The following TENM2 variants were observed in gnomAD, a reference collection of about 807,000 sequenced individuals.
The protein encoded by TENM2 is teneurin transmembrane protein 2.
In TENM2, 52 loss-of-function variants were observed where a neutral mutation model predicts 245.2. The observed-to-expected ratio is 0.21, with a 90% confidence interval of 0.17 to 0.27. The LOEUF is 0.27. TENM2 is among the 10% of genes least tolerant of loss of function. TENM2 has a pLI of 1.00. For missense variants in TENM2, 3,046 were observed against 3,666.8 expected, an observed-to-expected ratio of 0.83 and a Z score of 4.37; for synonymous variants, 1,363 against 1,438.9, an observed-to-expected ratio of 0.95 and a Z score of 1.19.
At chr5:167,983,183 GAAA>G (rs61167885) in intron 4 of TENM2, among the ~76,000 whole-genome samples, 2 of 142,384 alleles carry the variant, frequency 1.4e-5, no homozygotes, top group Admixed American at 7.0e-5. Flanking sequence ...AAAAGAAGAA[GAAA>G]AAAAAAAAAG....
chr5:167,516,973 T>A (rs1231775715), intron 2 of TENM2, among the ~76,000 whole-genome samples: 2 of 152,208 alleles, frequency 1.3e-5, no homozygotes, highest in Non-Finnish European at 2.9e-5. Flanking sequence ...AAGAGCCAAG[T>A]TTGAATGAAT....
chr5:168,068,265 G>A (rs964745729), intron 7 of TENM2, among the ~76,000 whole-genome samples: 2 of 152,154 alleles, frequency 1.3e-5, no homozygotes, highest in Non-Finnish European at 2.9e-5. Flanking sequence ...TGAGTTCATG[G>A]AACTGAGAGA....
At position 167,620,549 on chromosome 5, in the gene TENM2, C is replaced by CTTT. The variant is rs11455974; in HGVS notation, c.502+245096_502+245098dup. On this transcript the variant is annotated intron_variant, in intron 2 of 28. Transcript: ENST00000518659. Reference sequence around the variant, plus strand: ...TGTTGGCTAAAACTTTGCTTTTTGGCTTTTTTTTTTTTTTTTTTTTTTCAA... The same window carrying CTTT: ...TGTTGGCTAAAACTTTGCTTTTTGGCTTTTTTTTTTTTTTTTTTTTTTTTTCAA... 3.7e-3 allele frequency among the ~76,000 whole-genome samples: 268 copies of CTTT among 73,312 alleles called. 9 individuals carry two copies. Among genetic ancestry groups the CTTT allele is most frequent in the East Asian group, 7.2e-3 (15 of 2,082 alleles). 48.1% of individuals were successfully genotyped at this position (73,312 alleles called of 152,430 possible). A position where few individuals can be genotyped will look rare whatever the true frequency, so the allele number is the denominator to read the frequency against.
At chr5:167,743,887 G>A (rs1469072634) in intron 2 of TENM2, among the ~76,000 whole-genome samples, 2 of 152,210 alleles carry the variant, frequency 1.3e-5, no homozygotes, top group East Asian at 3.9e-4. Context: ...CTGTTCCAGG[G>A]GCAACATTCC....
intron 2 of TENM2, among the ~76,000 whole-genome samples, chr5:167,493,973 A>C (rs558686060): frequency 6.6e-6 from 1 of 152,266 alleles, no homozygotes; most frequent in Non-Finnish European, 1.5e-5. Flanking sequence ...TTGGGTGATG[A>C]AAAGAAATTT....
intron 2 of TENM2, among the ~76,000 whole-genome samples, chr5:167,467,172 T>TGG (rs1217365058): frequency 5.3e-5 from 8 of 152,046 alleles, no homozygotes; most frequent in Non-Finnish European, 4.4e-5. Context: ...GATTGGAACA[T>TGG]GGGGGTGGTT....
chr5:167,048,930 T>C, the TENM2 span, among the ~76,000 whole-genome samples: 2 of 152,182 alleles, frequency 1.3e-5, no homozygotes, highest in African/African-American at 4.8e-5. Flanking sequence ...ATTTAAATTT[T>C]GCAAGTGGGG....
At position 167,452,961 on chromosome 5, in the gene TENM2, A is replaced by ATATATATATATATAT. The variant is rs1561968262; in HGVS notation, c.502+77489_502+77490insATATATATATATATT. Among the ~76,000 whole-genome samples the ATATATATATATATAT allele has an allele frequency of 2.7e-4, 21 of 77,076 alleles. 1 individual carries two copies. The highest frequency in any genetic ancestry group is 1.4e-3 in the South Asian group (3 of 2,082). 50.6% of individuals were successfully genotyped at this position (77,076 alleles called of 152,430 possible). A position where few individuals can be genotyped will look rare whatever the true frequency, so the allele number is the denominator to read the frequency against. ...TATATATATATATATATATATATAT[A>ATATATATATATATAT]TTTAAAAAAAAAAACACTGGTATGG... On this transcript the variant is annotated intron_variant, in intron 2 of 28. Coordinates refer to ENST00000518659, the Ensembl canonical transcript of TENM2.
intron 2 of TENM2, among the ~76,000 whole-genome samples, chr5:167,489,428 A>T (rs1437420858): frequency 6.6e-6 from 1 of 152,152 alleles, no homozygotes; most frequent in Non-Finnish European, 1.5e-5. Flanking sequence ...CTCCCCAGAA[A>T]GCCACAAGGT....
chr5:167,070,942 A>G, the TENM2 span, among the ~76,000 whole-genome samples: 2 of 152,098 alleles, frequency 1.3e-5, no homozygotes, highest in Admixed American at 1.3e-4. Context: ...TAGTTTTTTT[A>G]CTATAGATAA....
At chr5:167,398,972 C>T (rs984116776) in intron 2 of TENM2, among the ~76,000 whole-genome samples, 5 of 152,088 alleles carry the variant, frequency 3.3e-5, no homozygotes, top group African/African-American at 7.2e-5. Context: ...TCTGTGTCTC[C>T]TTCATAACCC....
rs1763423703 is a variant in TENM2 at position 168,218,802 on chromosome 5, G to A, written c.4911G>A (p.Lys1637=). The change falls in exon 23 of 29, where the codon AAG becomes AAA. Residue 1637 remains lysine, a synonymous_variant. Transcript: ENST00000518659. This position sits in a 1 kb window ranked among gnomAD's most constrained non-coding sequence, Gnocchi z 5.2. ...TTGACAATAATGGGAATTCCCTGAA[G>A]ATCCGTCGGGACAGCAGTGGCATGC... 6.2e-7 allele frequency: 1 copy of A among 1,613,984 alleles called. No individual in the cohort carries two copies. The highest frequency in any genetic ancestry group is 1.1e-5 in the South Asian group (1 of 91,074).
chr5:167,363,500 G>A (rs146188678), intron 1 of TENM2, among the ~76,000 whole-genome samples: 4 of 152,044 alleles, frequency 2.6e-5, no homozygotes, highest in African/African-American at 9.7e-5. Flanking sequence ...GGGAGGTCGA[G>A]GCAGGCGGAT....
At chr5:168,065,227 T>A (rs1790394506) in intron 7 of TENM2, among the ~76,000 whole-genome samples, 1 of 152,164 alleles carries the variant, frequency 6.6e-6, no homozygotes, top group African/African-American at 2.4e-5. Context: ...GCCTACAAGG[T>A]TTAGTATCCT....
At chr5:167,270,202 C>T in the TENM2 span, among the ~76,000 whole-genome samples, 20 of 152,246 alleles carry the variant, frequency 1.3e-4, no homozygotes, top group South Asian at 6.2e-4. Context: ...GAAAGTGCCA[C>T]GCTGCTAACT....
At chr5:167,375,376 G>T (rs1326216725) in exon 2 of TENM2, 2 of 1,551,646 alleles carry the variant, frequency 1.3e-6, no homozygotes, top group Non-Finnish European at 1.7e-6. Context: ...GGGGCAGAGG[G>T]ATAAAATCCA....
At chr5:167,184,486 G>A in the TENM2 span, among the ~76,000 whole-genome samples, 3 of 152,164 alleles carry the variant, frequency 2.0e-5, no homozygotes, top group African/African-American at 7.2e-5. Flanking sequence ...GTGGAGGGAA[G>A]TGTCTCATTT....
chr5:167,629,813 T>G (rs1041154990), intron 2 of TENM2, among the ~76,000 whole-genome samples: 7 of 152,136 alleles, frequency 4.6e-5, no homozygotes, highest in Non-Finnish European at 8.8e-5. Context: ...CAGAGTGTGT[T>G]ATAATCACCC....
At chr5:167,843,001 T>C (rs1769692088) in intron 2 of TENM2, among the ~76,000 whole-genome samples, 1 of 152,114 alleles carries the variant, frequency 6.6e-6, no homozygotes, top group African/African-American at 2.4e-5. Context: ...TTACCTCAAT[T>C]CGCAACAACA....
Sources: gnomAD v4.1 joint callset for allele counts (sites outside exome capture counted in the v4.1 genomes callset) on GRCh38, gnomAD v4.1.1 for gene constraint, Gnocchi (gnomAD v3.1) non-coding constraint, MANE v1.5 for transcripts, NCBI Gene and HGNC (gene_info 2026-07-23, HGNC 2026-07-21) for gene names.